The following PABPC4L variants were observed in gnomAD, a reference collection of about 807,000 sequenced individuals.
PABPC4L encodes polyadenylate-binding protein 4-like.
For missense variants in PABPC4L, 452 were observed against 451.4 expected (o/e 1.00, Z -0.01); for synonymous variants, 169 against 164.1 (o/e 1.03, Z -0.23).
the PABPC4L span, among the ~76,000 whole-genome samples, chr4:134,043,120 A>C: frequency 2.0e-4 from 31 of 152,210 alleles, no homozygotes; most frequent in African/African-American, 7.5e-4. Context: ...GAATAAAGTA[A>C]CCTCCTTCCA....
At chr4:134,013,316 A>T in the PABPC4L span, among the ~76,000 whole-genome samples, 1 of 151,034 alleles carries the variant, frequency 6.6e-6, no homozygotes, top group African/African-American at 2.4e-5. Context: ...TTATTTCCAC[A>T]CCGCGACCCC....
the PABPC4L span, among the ~76,000 whole-genome samples, chr4:134,132,177 C>G: frequency 1.3e-5 from 2 of 151,806 alleles, no homozygotes; most frequent in Non-Finnish European, 2.9e-5. Context: ...TGACCAAGAA[C>G]CCAAAAGCAA....
the PABPC4L span, among the ~76,000 whole-genome samples, chr4:134,140,871 T>A: frequency 5.3e-5 from 8 of 151,594 alleles, no homozygotes; most frequent in Non-Finnish European, 1.0e-4. Flanking sequence ...AATAAGTCCT[T>A]AGGGAAAAAA....
chr4:134,152,316 G>T, the PABPC4L span, among the ~76,000 whole-genome samples: 2 of 152,136 alleles, frequency 1.3e-5, no homozygotes, highest in Non-Finnish European at 2.9e-5. Context: ...TGTTAGGAAA[G>T]TATATTGTAA....
the PABPC4L span, among the ~76,000 whole-genome samples, chr4:134,079,806 A>G: frequency 2.6e-5 from 4 of 151,878 alleles, no homozygotes. Flanking sequence ...AGGTCCTTGG[A>G]AAATAATGGT....
chr4:134,153,178 A>T, the PABPC4L span, among the ~76,000 whole-genome samples: 1 of 152,154 alleles, frequency 6.6e-6, no homozygotes, highest in East Asian at 1.9e-4. Flanking sequence ...CATTTTCATT[A>T]TAGCTTGTCT....
chr4:133,966,875 A>G, the PABPC4L span, among the ~76,000 whole-genome samples: 2,527 of 152,300 alleles, frequency 0.017, 47 homozygotes, highest in Non-Finnish European at 0.024. Context: ...GGTTTCAAAA[A>G]CATATTAGCA....
the PABPC4L span, among the ~76,000 whole-genome samples, chr4:133,965,457 GA>G: frequency 8.7e-4 from 131 of 150,172 alleles, no homozygotes; most frequent in Non-Finnish European, 1.6e-3. Flanking sequence ...TTCACAGAAA[GA>G]AAAAAAAATC....
chr4:134,178,358 A>G, the PABPC4L span, among the ~76,000 whole-genome samples: 2 of 104,984 alleles, frequency 1.9e-5, no homozygotes, highest in African/African-American at 4.5e-5. Flanking sequence ...ATTAAAAAAG[A>G]AAAAAGCAAA....
the PABPC4L span, among the ~76,000 whole-genome samples, chr4:134,055,716 A>G: frequency 1.3e-5 from 2 of 149,814 alleles, no homozygotes; most frequent in African/African-American, 2.5e-5. Context: ...CATATACCAG[A>G]TCCTAGTGCT....
At chr4:134,170,880 T>A in the PABPC4L span, among the ~76,000 whole-genome samples, 1 of 152,178 alleles carries the variant, frequency 6.6e-6, no homozygotes, top group African/African-American at 2.4e-5. Context: ...AAATGGTACT[T>A]CTCTTTTAAG....
chr4:134,185,977 A>C, the PABPC4L span, among the ~76,000 whole-genome samples: 1 of 152,188 alleles, frequency 6.6e-6, no homozygotes, highest in Non-Finnish European at 1.5e-5. Context: ...TCCAACTTAC[A>C]AGGGAGGTGA....
chr4:133,951,990 CTAAA>C, the PABPC4L span, among the ~76,000 whole-genome samples: 1 of 152,054 alleles, frequency 6.6e-6, no homozygotes, highest in Admixed American at 6.6e-5. Flanking sequence ...ATTAGATGTC[CTAAA>C]TATTTAACTT....
At chr4:134,185,964 G>T in the PABPC4L span, among the ~76,000 whole-genome samples, 1 of 152,136 alleles carries the variant, frequency 6.6e-6, no homozygotes, top group East Asian at 1.9e-4. Flanking sequence ...AAATACCTAC[G>T]AATCCAACTT....
chr4:134,201,103 C>T lies in PABPC4L; in HGVS notation c.-84G>A, dbSNP rs897994040. 1.9e-6 allele frequency: 3 copies of T among 1,550,652 alleles called. No homozygotes were observed. In the African/African-American group the frequency reaches 4.1e-5, roughly 21 times the overall value. On this transcript the variant is annotated 5_prime_UTR_variant, in exon 2 of 2. Transcript: ENST00000421491. ...GGGGATACTAGGTCACAGCTTTGGC[C>T]CGGTTCAAGTGTGGAGGCCTCGGGA...
the PABPC4L span, among the ~76,000 whole-genome samples, chr4:134,000,751 C>T: frequency 6.6e-6 from 1 of 152,058 alleles, no homozygotes; most frequent in East Asian, 1.9e-4. Context: ...AGGGAGGACT[C>T]CACCCCTCTC....
At chr4:133,964,251 C>A in the PABPC4L span, among the ~76,000 whole-genome samples, 1 of 151,836 alleles carries the variant, frequency 6.6e-6, no homozygotes, top group Admixed American at 6.6e-5. Context: ...AAAATACAAC[C>A]TTCCTAGCTT....
At chr4:134,124,623 C>T in the PABPC4L span, among the ~76,000 whole-genome samples, 3 of 151,940 alleles carry the variant, frequency 2.0e-5, no homozygotes, top group African/African-American at 7.3e-5. Context: ...GGCATTCTTC[C>T]AGGAAAAGGA....
the PABPC4L span, chr4:133,979,017 G>C: frequency 6.6e-6 from 1 of 152,086 alleles, no homozygotes; most frequent in Non-Finnish European, 1.5e-5. Context: ...GTTACCTAGA[G>C]ATTGATGCTT....
Sources: allele counts gnomAD v4.1 joint callset (sites outside exome capture counted in the v4.1 genomes callset), GRCh38; gene constraint gnomAD v4.1.1; transcripts MANE v1.5; gene names NCBI Gene and HGNC (gene_info 2026-07-23, HGNC 2026-07-21).